Variants in GIMAP2 observed in about 807,000 individuals in gnomAD.
The protein encoded by GIMAP2 is GTPase, IMAP family member 2.
In GIMAP2, 22 loss-of-function variants were observed where a neutral mutation model predicts 25.5. That is an observed-to-expected ratio of 0.86 (90% CI 0.62 to 1.23). The LOEUF is 1.23. Ranked by LOEUF, GIMAP2 falls within the 50% of genes most tolerant of loss-of-function variation. The probability of loss-of-function intolerance (pLI) is 0.00; values close to 1 mark genes in which losing one functional copy is unlikely to be tolerated. For missense variants in GIMAP2, 422 were observed against 395.7 expected (o/e 1.07, Z -0.56); for synonymous variants, 167 against 143.0 (o/e 1.17, Z -1.20).
At chr7:150,690,056 G>A (rs1037926256) in intron 2 of GIMAP2, among the ~76,000 whole-genome samples, 4 of 152,168 alleles carry the variant, frequency 2.6e-5, no homozygotes, top group Non-Finnish European at 5.9e-5. Context: ...CTCTTGATGG[G>A]TGAATTATAT....
At chr7:150,692,232 A>AG (rs1796973428) in intron 2 of GIMAP2, 83 bp from the exon 3 acceptor site, 1 of 1,361,108 alleles carries the variant, frequency 7.3e-7, no homozygotes, top group East Asian at 2.5e-5. Flanking sequence ...CTCAAAAAAA[A>AG]AAGAAAAAGA....
In GIMAP2 at chr7:150,692,412, C is replaced by T. The variant is rs1279161012; in HGVS notation, c.126C>T (p.Ile42=). 1.2e-6 allele frequency: 2 copies of T among 1,614,196 alleles called. No individual in the cohort carries two copies. The highest frequency in any genetic ancestry group is 1.7e-6 in the Non-Finnish European group (2 of 1,180,024). The change falls in exon 3 of 3, where the codon ATC becomes ATT. Residue 42 remains isoleucine (I), a synonymous_variant. Transcript: ENST00000223293. ...GTGKSAAGNS[I]LRKQAFESKL... is the part of the protein sequence containing the mutation. ...GCAAAAGTGCTGCAGGGAACAGCATCCTCAGGAAGCAAGCATTTGAATCGA... is the reference window on the plus strand; with the variant it reads ...GCAAAAGTGCTGCAGGGAACAGCATTCTCAGGAAGCAAGCATTTGAATCGA...
intron 2 of GIMAP2, among the ~76,000 whole-genome samples, chr7:150,688,776 G>A (rs1428911249): frequency 5.9e-5 from 9 of 152,094 alleles, no homozygotes; most frequent in African/African-American, 2.2e-4. Context: ...AGTCCTCACC[G>A]CCATCCCATG....
At chr7:150,690,145 C>T (rs1277900256) in intron 2 of GIMAP2, among the ~76,000 whole-genome samples, 3 of 152,174 alleles carry the variant, frequency 2.0e-5, no homozygotes, top group Non-Finnish European at 4.4e-5. Context: ...TTGTAACTCT[C>T]ATGTTCCTTG....
intron 1 of GIMAP2, among the ~76,000 whole-genome samples, chr7:150,686,487 G>A (rs947169502): frequency 2.6e-5 from 4 of 152,110 alleles, no homozygotes; most frequent in African/African-American, 4.8e-5. Flanking sequence ...GTGAGAGGAC[G>A]GGAGGAAGAA....
In GIMAP2 at chr7:150,692,659, G is replaced by T. The variant is rs576183114; in HGVS notation, c.373G>T (p.Ala125Ser). Residue 125 changes from alanine (A) to serine (S), a missense_variant, in exon 3 of 3, where the codon GCT becomes TCT. Ala to Ser is a moderately conservative substitution (Grantham distance 99). Transcript: ENST00000223293. Reference sequence around the variant, plus strand: ...CCGCTATACCTCACAGGACCAGCAGGCTGCACAGAGGGTGAAGGAGATCTT... The same window carrying T: ...CCGCTATACCTCACAGGACCAGCAGTCTGCACAGAGGGTGAAGGAGATCTT... ...LGRYTSQDQQ[A>S]AQRVKEIFGE... is the part of the protein sequence containing the mutation. 1 of 1,614,116 alleles carries T rather than the reference G, an allele frequency of 6.2e-7. No homozygotes were observed. Among genetic ancestry groups the T allele is most frequent in the Non-Finnish European group, 8.5e-7 (1 of 1,180,050 alleles).
intron 1 of GIMAP2, among the ~76,000 whole-genome samples, chr7:150,686,623 G>A (rs1180168317): frequency 2.6e-5 from 4 of 152,118 alleles, no homozygotes; most frequent in Admixed American, 1.3e-4. Context: ...CTTATGAGTA[G>A]ACAAATGAAA....
rs1426030689 is a variant in GIMAP2 at position 150,693,618 on chromosome 7, AAAT to A, written c.*323_*325del. The A allele has an allele frequency of 2.9e-5, 6 of 206,548 alleles. No individual in the cohort carries two copies. The East Asian group carries it at 6.2e-4, about 21-fold the overall frequency. The allele number at this position is 206,548 out of a possible 1,614,324, so 12.8% of individuals were successfully genotyped here. A position where few individuals can be genotyped will look rare whatever the true frequency, so the allele number is the denominator to read the frequency against. On this transcript the variant is annotated 3_prime_UTR_variant, in exon 3 of 3. Coordinates refer to ENST00000223293, the MANE Select transcript of GIMAP2 (RefSeq NM_015660.3). ...ACTGAATATAATGAAAATGGCAATA[AAAT>A]AATATTACATAAACTGTAAAGTTCC...
rs35656746 is a variant in GIMAP2, at chr7:150,687,105, CGTGT to C, written c.28+65_28+68del. The C allele has an allele frequency of 0.054, 67,409 of 1,251,204 alleles. 704 individuals carry two copies. Among genetic ancestry groups the C allele is most frequent in the African/African-American group, 0.087 (5,048 of 58,120 alleles). The allele number at this position is 1,251,204 out of a possible 1,614,324, so 77.5% of individuals were successfully genotyped here. On this transcript the variant is annotated intron_variant, in intron 2 of 2. Transcript: ENST00000223293. ...TCACTGGGGTAAGAAGGTGACTTCA[CGTGT>C]GTGTGTGTGTGTGTGTGTGTGTGTG...
chr7:150,692,078 T>C (rs79653493), intron 2 of GIMAP2, among the ~76,000 whole-genome samples: 1 of 135,662 alleles, frequency 7.4e-6, no homozygotes, highest in African/African-American at 2.6e-5. Context: ...AAAAAAAAAT[T>C]AGCGGGATGC....
At chr7:150,687,717 T>TTGTGTGTG (rs145943318) in intron 2 of GIMAP2, among the ~76,000 whole-genome samples, 4 of 150,048 alleles carry the variant, frequency 2.7e-5, no homozygotes, top group East Asian at 2.0e-4. Context: ...CATAGGTTCT[T>TTGTGTGTG]TGTGTGTGTG....
At chr7:150,687,132 G>GTGTGTT (rs1796912694) in intron 2 of GIMAP2, 45 bp downstream of exon 2, 3 of 1,263,184 alleles carry the variant, frequency 2.4e-6, no homozygotes, top group Non-Finnish European at 3.4e-6. Flanking sequence ...GTGTGTGTGT[G>GTGTGTT]TGTGTGTGTG....
intron 2 of GIMAP2, among the ~76,000 whole-genome samples, chr7:150,689,159 A>T (rs1016752380): frequency 6.6e-5 from 10 of 152,220 alleles, no homozygotes; most frequent in Admixed American, 6.5e-4. Context: ...ATGTTTATAC[A>T]TGTCTCCAAA....
chr7:150,690,277 G>A (rs907534058), intron 2 of GIMAP2, among the ~76,000 whole-genome samples: 1 of 152,184 alleles, frequency 6.6e-6, no homozygotes, highest in Admixed American at 6.5e-5. Flanking sequence ...CTAGGTGACA[G>A]TTTGCAGTGT....
At position 150,693,354 on chromosome 7, in the gene GIMAP2, A is replaced by G; in HGVS notation, c.*54A>G. On this transcript the variant is annotated 3_prime_UTR_variant, in exon 3 of 3. Transcript: ENST00000223293. Reference sequence around the variant, plus strand: ...TATCATTTAGTGGGTGAATCACAGTAATTTCCCTGTAAAATGTGGTACCTG... The same window carrying G: ...TATCATTTAGTGGGTGAATCACAGTGATTTCCCTGTAAAATGTGGTACCTG... 8.3e-7 allele frequency: 1 copy of G among 1,200,068 alleles called. No homozygotes were observed. The allele number at this position is 1,200,068 out of a possible 1,614,324, so 74.3% of individuals were successfully genotyped here.
In GIMAP2 at chr7:150,693,079, G is replaced by T. The variant is rs993523333; in HGVS notation, c.793G>T (p.Ala265Ser). The T allele has an allele frequency of 1.2e-6, 2 of 1,613,950 alleles. No homozygotes were observed. The highest frequency in any genetic ancestry group is 1.7e-6 in the Non-Finnish European group (2 of 1,179,822). The part of the protein sequence containing the change: ...ALAEANCLKG[A>S]LIKTQLCVLF... ...GGCTGAAGCAAACTGCCTAAAAGGA[G>T]CCTTAATCAAAACACAACTGTGTGT... Residue 265 changes from alanine (A) to serine (S), a missense_variant, in exon 3 of 3, where the codon GCC becomes TCC. Transcript: ENST00000223293.
chr7:150,686,788 A>G (rs1796904970), intron 1 of GIMAP2, among the ~76,000 whole-genome samples: 1 of 151,856 alleles, frequency 6.6e-6, no homozygotes, highest in African/African-American at 2.4e-5. Context: ...TACTAAAACT[A>G]CAAAAATTAG....
chr7:150,689,916 G>C (rs1188766610), intron 2 of GIMAP2, among the ~76,000 whole-genome samples: 1 of 142,480 alleles, frequency 7.0e-6, no homozygotes, highest in Non-Finnish European at 1.5e-5. Flanking sequence ...TGGGTAAAAA[G>C]GTTGACAAAC....
At chr7:150,689,782 A>T (rs192456691) in intron 2 of GIMAP2, 2 of 438,788 alleles carry the variant, frequency 4.6e-6, no homozygotes, top group Non-Finnish European at 8.1e-6. Flanking sequence ...TACTTCAGGC[A>T]TAGAAAACGG....
Sources: allele counts gnomAD v4.1 joint callset (sites outside exome capture counted in the v4.1 genomes callset), GRCh38; gene constraint gnomAD v4.1.1; transcripts MANE v1.5; gene names NCBI Gene and HGNC (gene_info 2026-07-23, HGNC 2026-07-21).